The following TTLL1 variants were observed in gnomAD, a reference collection of about 807,000 sequenced individuals.
The protein encoded by TTLL1 is TTL family tubulin polyglutamylase complex subunit L1, also known as polyglutamylase complex subunit TTLL1.
In TTLL1, 33 loss-of-function variants were observed where a neutral mutation model predicts 47.8. The observed-to-expected ratio is 0.69, with a 90% CI of 0.52 to 0.92. The LOEUF is 0.92. Among genes scored for constraint, TTLL1 ranks in the 40% least tolerant of loss-of-function variants. The pLI is 0.00. For synonymous variants in TTLL1, 225 were observed against 214.1 expected, an observed-to-expected ratio of 1.05 and a Z score of -0.45; for missense variants, 488 against 547.5, an observed-to-expected ratio of 0.89 and a Z score of 1.08.
In TTLL1 at chr22:43,064,321, A is replaced by G; in HGVS notation, c.507T>C (p.Phe169=). 6.2e-7 allele frequency: 1 copy of G among 1,609,386 alleles called. No individual in the cohort carries two copies. Among genetic ancestry groups the G allele is most frequent in the Non-Finnish European group, 8.5e-7 (1 of 1,178,680 alleles). The change falls in exon 6 of 11, where the codon TTT becomes TTC. Residue 169 remains phenylalanine (F), a synonymous_variant. Coordinates refer to ENST00000266254, the MANE Select transcript of TTLL1 (RefSeq NM_012263.5). ...AGGCTTCCTTATTAGATTGAGACAC[A>G]AACCTAAACATGGCAGAGAAAGTAA... is the stretch of plus-strand genomic sequence containing the variant. ...KWSRDSKTSS[F]VSQSNKEAYV... is the part of the protein sequence containing the mutation.
intron 3 of TTLL1, among the ~76,000 whole-genome samples, chr22:43,074,332 C>T (rs865953088): frequency 2.0e-5 from 3 of 147,848 alleles, no homozygotes; most frequent in Non-Finnish European, 4.4e-5. Flanking sequence ...GAGGCTAAGG[C>T]AGGAGAATCG....
chr22:43,081,752 T>C (rs1308796990), intron 1 of TTLL1, among the ~76,000 whole-genome samples: 2 of 151,994 alleles, frequency 1.3e-5, no homozygotes, highest in Non-Finnish European at 2.9e-5. Context: ...TTTCACCATG[T>C]TGGCCAGGTT....
At chr22:43,047,112 C>T (rs1039340296) in intron 9 of TTLL1, among the ~76,000 whole-genome samples, 11 of 152,154 alleles carry the variant, frequency 7.2e-5, no homozygotes, top group Admixed American at 3.9e-4. Flanking sequence ...TACAAATCAG[C>T]GATCGCACAA....
chr22:43,044,993 G>A (rs1925995636), intron 10 of TTLL1, among the ~76,000 whole-genome samples: 1 of 152,048 alleles, frequency 6.6e-6, no homozygotes. Flanking sequence ...CTCCTGAGTA[G>A]CTGACATTAC....
chr22:43,064,088 C>A (rs763175692), intron 6 of TTLL1, 102 bp downstream of exon 6: 9 of 1,538,332 alleles, frequency 5.9e-6, no homozygotes, highest in Non-Finnish European at 7.9e-6. Flanking sequence ...TGCCAGGCAC[C>A]GCACATGCAC....
Position 43,075,663 on chromosome 22 carries a change from A to C in TTLL1, c.-4-73T>G, listed in dbSNP as rs1011274652. The C allele has an allele frequency of 3.0e-5, 40 of 1,334,540 alleles. No homozygotes were observed. The East Asian group carries it at 3.4e-4, about 12-fold the overall frequency. The allele number at this position is 1,334,540 out of a possible 1,614,324, so 82.7% of individuals were successfully genotyped here. On this transcript the variant is annotated intron_variant, in intron 2 of 10. Coordinates refer to ENST00000266254, the MANE Select transcript of TTLL1 (RefSeq NM_012263.5). ...TCCCTTTAAACCCAAGGAATCCTCT[A>C]AACAGCATGCCCATCCCAAACTCGA...
At chr22:43,088,157 A>G (rs1929360438) in intron 1 of TTLL1, among the ~76,000 whole-genome samples, 1 of 151,762 alleles carries the variant, frequency 6.6e-6, no homozygotes, top group African/African-American at 2.4e-5. Flanking sequence ...ATAAATAAAT[A>G]AATAAATAAA....
At chr22:43,072,592 C>A (rs145105673) in intron 3 of TTLL1, among the ~76,000 whole-genome samples, 1 of 152,148 alleles carries the variant, frequency 6.6e-6, no homozygotes, top group Non-Finnish European at 1.5e-5. Flanking sequence ...CCACCTCAGC[C>A]TCTCAAGTAG....
At chr22:43,087,074 C>T (rs952957735) in intron 1 of TTLL1, among the ~76,000 whole-genome samples, 2 of 152,230 alleles carry the variant, frequency 1.3e-5, no homozygotes, top group Non-Finnish European at 2.9e-5. Flanking sequence ...TAAGCCTTTG[C>T]TCGTCCTCCA....
At chr22:43,052,480 C>T (rs937403683) in intron 8 of TTLL1, 1 of 156,962 alleles carries the variant, frequency 6.4e-6, no homozygotes, top group African/African-American at 2.4e-5. Flanking sequence ...TGGCTCATGC[C>T]TGTAATCCCA....
chr22:43,076,736 G>C (rs955180219), intron 2 of TTLL1, among the ~76,000 whole-genome samples: 3 of 151,690 alleles, frequency 2.0e-5, no homozygotes, highest in Non-Finnish European at 4.4e-5. Context: ...GGGCGATAGA[G>C]CGAGACTCCA....
chr22:43,040,028 T>G (rs1421333256), intron 10 of TTLL1, 123 bp from the exon 11 acceptor site: 1 of 1,346,144 alleles, frequency 7.4e-7, no homozygotes, highest in African/African-American at 1.5e-5. Context: ...GGCCCCACCC[T>G]CGCGACTCCT....
chr22:43,082,457 T>G (rs1461924133), intron 1 of TTLL1, among the ~76,000 whole-genome samples: 1 of 152,140 alleles, frequency 6.6e-6, no homozygotes, highest in Non-Finnish European at 1.5e-5. Flanking sequence ...GGCTCATGCC[T>G]GTAATCCCAG....
chr22:43,061,336 T>C (rs1927376579), intron 7 of TTLL1, among the ~76,000 whole-genome samples: 2 of 152,182 alleles, frequency 1.3e-5, no homozygotes, highest in Non-Finnish European at 2.9e-5. Context: ...GCAGTGGCCA[T>C]CGTCATCCCA....
At chr22:43,066,121 T>G (rs1253423631) in intron 5 of TTLL1, among the ~76,000 whole-genome samples, 1 of 145,102 alleles carries the variant, frequency 6.9e-6, no homozygotes, top group Non-Finnish European at 1.5e-5. Flanking sequence ...ATCGCACCAC[T>G]GCAGTCCAGC....
At chr22:43,040,576 G>A (rs1244814159) in intron 10 of TTLL1, among the ~76,000 whole-genome samples, 2 of 152,158 alleles carry the variant, frequency 1.3e-5, no homozygotes, top group African/African-American at 4.8e-5. Flanking sequence ...CTTTCAGGTA[G>A]CTGGGATCAT....
At chr22:43,070,450 C>G (rs974606090) in intron 3 of TTLL1, among the ~76,000 whole-genome samples, 3 of 152,102 alleles carry the variant, frequency 2.0e-5, no homozygotes, top group Non-Finnish European at 4.4e-5. Flanking sequence ...GGAGGAAGGG[C>G]TGGCCCCTGC....
intron 2 of TTLL1, among the ~76,000 whole-genome samples, chr22:43,079,186 C>A (rs55863932): frequency 0.016 from 1,455 of 91,100 alleles, 26 homozygotes; most frequent in Admixed American, 0.064. Flanking sequence ...CCCACAGACA[C>A]GGGGACCACG....
At chr22:43,060,307 G>A (rs965105240) in intron 7 of TTLL1, among the ~76,000 whole-genome samples, 1 of 152,206 alleles carries the variant, frequency 6.6e-6, no homozygotes, top group Admixed American at 6.5e-5. Context: ...AATCCAGGGT[G>A]AAAGCCCTCC....
Sources: allele counts gnomAD v4.1 joint callset (sites outside exome capture counted in the v4.1 genomes callset), GRCh38; gene constraint gnomAD v4.1.1; transcripts MANE v1.5; gene names NCBI Gene and HGNC (gene_info 2026-07-23, HGNC 2026-07-21).